Variants in ARPP21 observed in about 807,000 individuals in gnomAD.
ARPP21 encodes cAMP-regulated phosphoprotein 21.
In ARPP21, 69 loss-of-function variants were observed where a neutral mutation model predicts 113.2. That is an observed-to-expected ratio of 0.61 (90% confidence interval 0.50 to 0.74). ARPP21 has a LOEUF of 0.74. Among genes scored for constraint, ARPP21 ranks in the 30% least tolerant of loss-of-function variants. ARPP21 has a pLI of 0.00. For synonymous variants in ARPP21, 368 were observed against 375.5 expected (o/e 0.98, Z 0.23); for missense variants, 1,070 against 1,037.4 (o/e 1.03, Z -0.43).
intron 19 of ARPP21, among the ~76,000 whole-genome samples, chr3:35,781,201 A>G (rs1039164687): frequency 6.6e-6 from 1 of 152,184 alleles, no homozygotes; most frequent in African/African-American, 2.4e-5. Flanking sequence ...GACCACTTAA[A>G]AATACTCATG....
At chr3:35,684,455 A>T in intron 5 of ARPP21, 1 of 981,902 alleles carries the variant, frequency 1.0e-6, no homozygotes, top group Non-Finnish European at 1.2e-6. Flanking sequence ...ATTTAAATTT[A>T]AACAAAATTA....
At chr3:35,753,395 T>C (rs1022778136) in intron 19 of ARPP21, among the ~76,000 whole-genome samples, 6 of 152,020 alleles carry the variant, frequency 3.9e-5, no homozygotes, top group African/African-American at 1.4e-4. Context: ...TATAATATGT[T>C]TCAATTTTGG....
chr3:35,716,276 T>C (rs890698122), intron 12 of ARPP21, among the ~76,000 whole-genome samples: 1 of 152,146 alleles, frequency 6.6e-6, no homozygotes, highest in African/African-American at 2.4e-5. Flanking sequence ...ATGTGGTATC[T>C]ATAAATAAAG....
chr3:35,727,004 TA>T (rs2093585570), intron 14 of ARPP21, among the ~76,000 whole-genome samples: 1 of 152,236 alleles, frequency 6.6e-6, no homozygotes, highest in Non-Finnish European at 1.5e-5. Flanking sequence ...CACAGAGTCA[TA>T]ATTTCAGTGA....
chr3:35,689,254 A>G, intron 6 of ARPP21, 53 bp from the exon 7 acceptor site: 2 of 849,802 alleles, frequency 2.4e-6, no homozygotes, highest in Admixed American at 3.5e-5. Context: ...AACCTTTTCT[A>G]CCCCACCTTT....
At chr3:35,739,274 A>G in intron 17 of ARPP21, 43 bp from the exon 18 acceptor site, 1 of 1,595,240 alleles carries the variant, frequency 6.3e-7, no homozygotes. Flanking sequence ...CTTATTACCA[A>G]GCTGATCCTG....
rs2094522637 is a variant in ARPP21 at position 35,739,196 on chromosome 3, CCAA to C, written c.1750-120_1750-118del. On this transcript the variant is annotated intron_variant, in intron 17 of 20. Coordinates refer to ENST00000684406, the MANE Select transcript of ARPP21 (RefSeq NM_001385562.1). ...GAAGAATTATTTTATTTTATTTTTTCCAAATTGTACTTCCTGTCTCTCCCACAA... is the reference window on the plus strand; with the variant it reads ...GAAGAATTATTTTATTTTATTTTTTCATTGTACTTCCTGTCTCTCCCACAA... 17 of 1,173,100 alleles carry C rather than the reference CCAA, an allele frequency of 1.4e-5. No individual in the cohort carries two copies. In the South Asian group the frequency reaches 2.2e-4, roughly 15 times the overall value. The allele number at this position is 1,173,100 out of a possible 1,614,324, so 72.7% of individuals were successfully genotyped here. A position where few individuals can be genotyped will look rare whatever the true frequency, so the allele number is the denominator to read the frequency against.
At chr3:35,769,429 T>C (rs1312311766) in intron 19 of ARPP21, among the ~76,000 whole-genome samples, 1 of 152,162 alleles carries the variant, frequency 6.6e-6, no homozygotes, top group African/African-American at 2.4e-5. Flanking sequence ...AGATTCCACA[T>C]CTATCTTAGC....
At chr3:35,760,540 TA>T (rs371187130) in intron 19 of ARPP21, among the ~76,000 whole-genome samples, 2,018 of 143,340 alleles carry the variant, frequency 0.014, 13 homozygotes, top group African/African-American at 0.024. Context: ...AAGGAGGAGG[TA>T]AAAAAAAAAA....
intron 19 of ARPP21, among the ~76,000 whole-genome samples, chr3:35,747,091 C>T (rs2095103226): frequency 1.3e-5 from 2 of 152,214 alleles, no homozygotes; most frequent in East Asian, 3.9e-4. Flanking sequence ...TGGCTCACAC[C>T]TATAATCCCA....
intron 14 of ARPP21, 49 bp downstream of exon 14, chr3:35,721,883 A>C (rs774577349): frequency 1.1e-5 from 14 of 1,275,976 alleles, no homozygotes; most frequent in Admixed American, 2.4e-5. Flanking sequence ...TTTGGATTCT[A>C]CCCAAGCCAT....
intron 19 of ARPP21, among the ~76,000 whole-genome samples, chr3:35,754,049 G>A (rs189216965): frequency 8.6e-5 from 13 of 150,942 alleles, no homozygotes; most frequent in Non-Finnish European, 1.6e-4. Flanking sequence ...GCTCCTTGGG[G>A]TTGGCTGGAG....
intron 1 of ARPP21, among the ~76,000 whole-genome samples, chr3:35,669,647 G>C (rs954068681): frequency 6.6e-6 from 1 of 152,094 alleles, no homozygotes; most frequent in Non-Finnish European, 1.5e-5. Flanking sequence ...TCAAGTGCAA[G>C]GTTACACATT....
chr3:35,718,310 G>A (rs972832747), intron 13 of ARPP21, among the ~76,000 whole-genome samples: 21 of 152,044 alleles, frequency 1.4e-4, no homozygotes, highest in African/African-American at 5.1e-4. Context: ...GAACTATTAA[G>A]TTTATTATGA....
intron 19 of ARPP21, among the ~76,000 whole-genome samples, chr3:35,763,906 G>A (rs1373080701): frequency 4.6e-5 from 7 of 152,216 alleles, no homozygotes; most frequent in African/African-American, 1.7e-4. Flanking sequence ...GCTCATGCCT[G>A]TAATCCCAGT....
chr3:35,737,536 GT>G (rs1445683333), intron 16 of ARPP21, among the ~76,000 whole-genome samples, 174 bp downstream of exon 16: 2 of 152,240 alleles, frequency 1.3e-5, no homozygotes, highest in African/African-American at 4.8e-5. Flanking sequence ...GAATCCTTAA[GT>G]TTAGATAGAG....
Position 35,696,389 on chromosome 3 carries a change from A to G in ARPP21, c.686+5384A>G, listed in dbSNP as rs928956740. 5.9e-5 allele frequency among the ~76,000 whole-genome samples: 9 copies of G among 151,706 alleles called. 1 individual carries two copies. The South Asian group carries it at 1.2e-3, about 21-fold the overall frequency. On this transcript the variant is annotated intron_variant, in intron 9 of 20. Coordinates refer to ENST00000684406, the MANE Select transcript of ARPP21 (RefSeq NM_001385562.1). ...CAGCACTGCATTTTTGTTGGTGCTC[A>G]GAGCCAACCAGAGTAAGAACAGATT...
At chr3:35,733,466 G>A (rs1331424160) in intron 15 of ARPP21, among the ~76,000 whole-genome samples, 1 of 152,152 alleles carries the variant, frequency 6.6e-6, no homozygotes, top group Admixed American at 6.5e-5. Flanking sequence ...CCATGCCAAG[G>A]CCTGCTGAGC....
intron 19 of ARPP21, among the ~76,000 whole-genome samples, chr3:35,750,685 T>C (rs1261477416): frequency 6.6e-6 from 1 of 152,164 alleles, no homozygotes; most frequent in East Asian, 1.9e-4. Flanking sequence ...ACCATAAGAC[T>C]TTCTAAAGCC....
Sources: gnomAD v4.1 joint callset for allele counts (sites outside exome capture counted in the v4.1 genomes callset) on GRCh38, gnomAD v4.1.1 for gene constraint, MANE v1.5 for transcripts, NCBI Gene and HGNC (gene_info 2026-07-23, HGNC 2026-07-21) for gene names.